CCDC169: variants seen among roughly 807,000 people sequenced by gnomAD.
The protein encoded by CCDC169 is coiled-coil domain containing 169, also known as coiled-coil domain-containing protein 169.
In CCDC169, 30 loss-of-function variants were observed where a neutral mutation model predicts 36.0. That is an observed-to-expected ratio of 0.83 (90% CI 0.62 to 1.13). The LOEUF (loss-of-function observed/expected upper bound fraction) is 1.13. CCDC169 is among the 50% of genes most tolerant of loss of function. CCDC169 has a pLI of 0.00. For synonymous variants in CCDC169, 85 were observed against 81.5 expected (o/e 1.04, Z -0.23); for missense variants, 245 against 245.9 (o/e 1.00, Z 0.03).
At chr13:36,295,118 T>G (rs1879322860) in intron 2 of CCDC169, among the ~76,000 whole-genome samples, 1 of 152,214 alleles carries the variant, frequency 6.6e-6, no homozygotes, top group South Asian at 2.1e-4. Flanking sequence ...CTGGAAAGCC[T>G]GTCTTTATTA....
At chr13:36,250,836 A>T (rs181673502) in intron 6 of CCDC169, among the ~76,000 whole-genome samples, 1 of 152,342 alleles carries the variant, frequency 6.6e-6, no homozygotes, top group Non-Finnish European at 1.5e-5. Context: ...AGAGAATAAG[A>T]GGCATCATAT....
At chr13:36,292,410 CT>C (rs1245978668) in intron 2 of CCDC169, among the ~76,000 whole-genome samples, 1 of 151,952 alleles carries the variant, frequency 6.6e-6, no homozygotes, top group Admixed American at 6.6e-5. Context: ...ATTCTTCTTG[CT>C]TAAAAAAAAA....
intron 1 of CCDC169, among the ~76,000 whole-genome samples, chr13:36,297,429 A>G (rs1028525085): frequency 6.6e-6 from 1 of 152,178 alleles, no homozygotes; most frequent in Non-Finnish European, 1.5e-5. Context: ...CTACCCGGAA[A>G]GCTGCCTACT....
At chr13:36,232,714 CAA>C in intron 7 of CCDC169, among the ~76,000 whole-genome samples, 1 of 54,444 alleles carries the variant, frequency 1.8e-5, no homozygotes, top group African/African-American at 5.0e-5. Context: ...GACTCCGTCT[CAA>C]AAAAAAAAAA....
At chr13:36,294,132 C>T (rs893166900) in intron 2 of CCDC169, among the ~76,000 whole-genome samples, 3 of 152,136 alleles carry the variant, frequency 2.0e-5, no homozygotes, top group Non-Finnish European at 4.4e-5. Context: ...TGCCCTTCAC[C>T]TTAGGCCTTA....
At chr13:36,261,497 T>C (rs1874599601) in intron 4 of CCDC169, among the ~76,000 whole-genome samples, 1 of 152,188 alleles carries the variant, frequency 6.6e-6, no homozygotes, top group Admixed American at 6.5e-5. Flanking sequence ...AGCAACATAA[T>C]TTGGCAATCT....
intron 2 of CCDC169, among the ~76,000 whole-genome samples, chr13:36,288,174 A>G (rs1196252247): frequency 6.6e-6 from 1 of 151,820 alleles, no homozygotes; most frequent in Non-Finnish European, 1.5e-5. Context: ...ATGCCTGGCT[A>G]ATTTTTCTGT....
intron 2 of CCDC169, among the ~76,000 whole-genome samples, chr13:36,288,082 C>A (rs1367868254): frequency 6.6e-6 from 1 of 151,886 alleles, no homozygotes; most frequent in Non-Finnish European, 1.5e-5. Flanking sequence ...AATCTTGGCT[C>A]ACTGCAAGCT....
At chr13:36,236,028 C>A (rs2138397080) in intron 7 of CCDC169, among the ~76,000 whole-genome samples, 1 of 151,974 alleles carries the variant, frequency 6.6e-6, no homozygotes, top group East Asian at 1.9e-4. Flanking sequence ...GAAAGAAATT[C>A]ATGTTCTTGG....
intron 4 of CCDC169, among the ~76,000 whole-genome samples, chr13:36,260,479 T>C (rs1203934882): frequency 6.6e-6 from 1 of 152,210 alleles, no homozygotes; most frequent in Non-Finnish European, 1.5e-5. Context: ...TCCACATCAG[T>C]AATACCATAT....
downstream of CCDC169, among the ~76,000 whole-genome samples, chr13:36,227,827 C>A (rs143961131): frequency 2.5e-3 from 378 of 152,268 alleles, no homozygotes; most frequent in Non-Finnish European, 4.4e-3. Context: ...TCTCCATCAC[C>A]GACCTTCCCC....
At chr13:36,272,818 T>A (rs1231341002) in intron 4 of CCDC169, among the ~76,000 whole-genome samples, 1 of 152,168 alleles carries the variant, frequency 6.6e-6, no homozygotes, top group Non-Finnish European at 1.5e-5. Context: ...CAGTTTAATT[T>A]CTCCAGAAAA....
intron 7 of CCDC169, among the ~76,000 whole-genome samples, chr13:36,241,623 C>T (rs1871829371): frequency 6.6e-6 from 1 of 152,038 alleles, no homozygotes; most frequent in African/African-American, 2.4e-5. Context: ...TCATCCATTC[C>T]ATTACTGATG....
intron 2 of CCDC169, among the ~76,000 whole-genome samples, chr13:36,289,265 T>C (rs1439935411): frequency 2.6e-5 from 4 of 152,224 alleles, no homozygotes; most frequent in African/African-American, 9.6e-5. Flanking sequence ...AGGTCTGAGA[T>C]GACAGCTCTC....
intron 7 of CCDC169, among the ~76,000 whole-genome samples, chr13:36,233,092 CCTGGCCGA>C (rs1399003530): frequency 3.9e-5 from 6 of 152,120 alleles, no homozygotes; most frequent in Non-Finnish European, 8.8e-5. Flanking sequence ...TTGTAATTTG[CCTGGCCGA>C]CTGTTGAAGG....
downstream of CCDC169, chr13:36,227,020 A>G (rs963403658): frequency 4.7e-6 from 2 of 429,290 alleles, no homozygotes; most frequent in African/African-American, 2.0e-5. Context: ...AAATAAAAAG[A>G]CCAAGGTGAA....
intron 7 of CCDC169, among the ~76,000 whole-genome samples, chr13:36,246,281 C>T (rs948382055): frequency 3.9e-5 from 6 of 152,154 alleles, no homozygotes; most frequent in African/African-American, 1.4e-4. Context: ...GCCTCTTGTG[C>T]CAAACAGTTA....
chr13:36,255,741 T>C (rs1250541336), intron 4 of CCDC169, among the ~76,000 whole-genome samples: 1 of 151,780 alleles, frequency 6.6e-6, no homozygotes, highest in Non-Finnish European at 1.5e-5. Context: ...TTGGATTTCT[T>C]CCCATAATTG....
chr13:36,226,448 A>G (rs1004504914), downstream of CCDC169: 2 of 152,242 alleles, frequency 1.3e-5, no homozygotes, highest in Non-Finnish European at 2.9e-5. Context: ...ATGAGGATTT[A>G]ATGCTGCTGC....
Sources: allele counts gnomAD v4.1 joint callset (sites outside exome capture counted in the v4.1 genomes callset), GRCh38; gene constraint gnomAD v4.1.1; transcripts MANE v1.5; gene names NCBI Gene and HGNC (gene_info 2026-07-23, HGNC 2026-07-21).